The following INAVA variants were observed in gnomAD, a reference collection of about 807,000 sequenced individuals.
The protein encoded by INAVA is innate immunity activator protein.
Under a neutral mutation model 55.3 loss-of-function variants are expected in INAVA, and 32 were observed. The ratio of observed to expected loss-of-function variants is 0.58; its 90% CI spans 0.44 to 0.78. INAVA has a LOEUF of 0.78. Among genes scored for constraint, INAVA ranks in the 30% least tolerant of loss-of-function variants. The pLI is 0.00. For synonymous variants in INAVA, 294 were observed against 329.4 expected, an observed-to-expected ratio of 0.89 and a Z score of 1.16; for missense variants, 756 against 786.4, an observed-to-expected ratio of 0.96 and a Z score of 0.46.
In INAVA at chr1:200,909,287, C is replaced by G. The variant is rs868053818; in HGVS notation, c.849C>G (p.Ala283=). The G allele has an allele frequency of 6.2e-7, 1 of 1,611,048 alleles. No individual in the cohort carries two copies. The highest frequency in any genetic ancestry group is 1.1e-5 in the South Asian group (1 of 90,718). Residue 283 remains alanine (A), a synonymous_variant, in exon 8 of 10, where the codon GCC becomes GCG. Transcript: ENST00000413687. ...SASSLWLLEP[A]SYHVVPIRGV... Reference sequence around the variant, plus strand: ...CCAGCCTGTGGCTTCTGGAGCCTGCCTCCTACCACGTGGTTCCCATCCGTG... The same window carrying G: ...CCAGCCTGTGGCTTCTGGAGCCTGCGTCCTACCACGTGGTTCCCATCCGTG...
intron 5 of INAVA, among the ~76,000 whole-genome samples, chr1:200,904,181 C>T (rs113451121): frequency 0.05 from 7,549 of 152,020 alleles, 284 homozygotes; most frequent in East Asian, 0.16. Context: ...CTCCACCTAC[C>T]GGGTTTAAGC....
intron 1 of INAVA, among the ~76,000 whole-genome samples, chr1:200,895,684 T>A (rs1443767266): frequency 6.6e-6 from 1 of 152,136 alleles, no homozygotes; most frequent in Non-Finnish European, 1.5e-5. Flanking sequence ...GAGGGCGGCC[T>A]CGGCAGAGGC....
At chr1:200,913,325 C>A (rs1006175834) in intron 9 of INAVA, among the ~76,000 whole-genome samples, 1 of 152,158 alleles carries the variant, frequency 6.6e-6, no homozygotes, top group African/African-American at 2.4e-5. Context: ...GCCTGTCACA[C>A]CCCAAAAGAA....
At chr1:200,892,200 GC>G (rs1668252004), upstream of INAVA, among the ~76,000 whole-genome samples, 1 of 152,176 alleles carries the variant, frequency 6.6e-6, no homozygotes, top group Non-Finnish European at 1.5e-5. Context: ...TACCCCTCTT[GC>G]CTGGAGGGTC....
Position 200,912,022 on chromosome 1 carries a change from G to A in INAVA, c.1529G>A (p.Arg510His), listed in dbSNP as rs752457010. 32 of 1,541,028 alleles carry A rather than the reference G, an allele frequency of 2.1e-5. No individual in the cohort carries two copies. The South Asian group carries it at 3.7e-4, about 18-fold the overall frequency. Residue 510 changes from arginine (R) to histidine (H), a missense_variant, in exon 9 of 10, where the codon CGT becomes CAT. Arg to His is a conservative substitution (Grantham distance 29). Coordinates refer to ENST00000413687, the MANE Select transcript of INAVA (RefSeq NM_001142569.3). ...GAGGAGCTCAAGTGGTGGCACGAGC[G>A]TGCACGCCTCCGGAGCACCCGCCCC... ...VSEELKWWHE[R>H]ARLRSTRPHS...
upstream of INAVA, among the ~76,000 whole-genome samples, chr1:200,893,962 A>C (rs568146431): frequency 2.2e-3 from 339 of 150,832 alleles, 1 homozygote; most frequent in African/African-American, 7.7e-3. Flanking sequence ...AGTGGGGGGA[A>C]AGGGAGGTGG....
In INAVA at chr1:200,913,856, C is replaced by T. The variant is rs1653847843; in HGVS notation, c.*227C>T. 1 of 521,138 alleles carries T rather than the reference C, an allele frequency of 1.9e-6. No homozygotes were observed. The highest frequency in any genetic ancestry group is 3.5e-5 in the Admixed American group (1 of 28,750). 32.3% of individuals were successfully genotyped at this position (521,138 alleles called of 1,614,324 possible). On this transcript the variant is annotated 3_prime_UTR_variant, in exon 10 of 10. Transcript: ENST00000413687. The stretch of plus-strand genomic sequence containing the variant: ...CCTGTGATATGATTATGTTTTATCC[C>T]CCAGAGTTTGGCCTACTGGACTTAA...
chr1:200,895,924 T>C (rs1668340619), intron 1 of INAVA, among the ~76,000 whole-genome samples: 1 of 152,172 alleles, frequency 6.6e-6, no homozygotes, highest in South Asian at 2.1e-4. Context: ...CATCTGACGC[T>C]GTTCTCTTTG....
At chr1:200,901,861 G>A (rs1359068230) in intron 5 of INAVA, among the ~76,000 whole-genome samples, 1 of 152,194 alleles carries the variant, frequency 6.6e-6, no homozygotes, top group African/African-American at 2.4e-5. Flanking sequence ...GTGAGTTGTT[G>A]ATGCCCAGGT....
chr1:200,900,024 C>A, intron 3 of INAVA, 80 bp from the exon 4 acceptor site: 1 of 1,199,452 alleles, frequency 8.3e-7, no homozygotes, highest in Non-Finnish European at 1.2e-6. Flanking sequence ...CTATGGAAGG[C>A]AGGCACATGC....
In INAVA at chr1:200,894,917, G is replaced by C. The variant is rs1180649527; in HGVS notation, c.-265G>C. 7 of 985,600 alleles carry C rather than the reference G, an allele frequency of 7.1e-6. No individual in the cohort carries two copies. The highest frequency in any genetic ancestry group is 1.7e-5 in the African/African-American group (1 of 57,194). 61.1% of individuals were successfully genotyped at this position (985,600 alleles called of 1,614,324 possible). On this transcript the variant is annotated 5_prime_UTR_variant, in exon 1 of 10. Transcript: ENST00000413687. ...CCTGGCCCGGCAGCCTGGGAGGGAC[G>C]GCAAGGTAGGCAGGTGAGCCGAGAC... is the stretch of plus-strand genomic sequence containing the variant.
upstream of INAVA, among the ~76,000 whole-genome samples, chr1:200,894,639 G>A (rs375654552): frequency 2.5e-4 from 38 of 152,280 alleles, no homozygotes; most frequent in African/African-American, 9.1e-4. Flanking sequence ...CAGGACAGGA[G>A]GGCACGCAGG....
chr1:200,901,545 G>A (rs1558229850), intron 5 of INAVA, among the ~76,000 whole-genome samples: 1 of 152,222 alleles, frequency 6.6e-6, no homozygotes, highest in Non-Finnish European at 1.5e-5. Context: ...TCAGGGTAGT[G>A]TGAGGCTCCC....
intron 1 of INAVA, among the ~76,000 whole-genome samples, chr1:200,895,388 A>C (rs1468868851): frequency 6.6e-6 from 1 of 152,030 alleles, no homozygotes; most frequent in East Asian, 1.9e-4. Context: ...GCCCGGCCTG[A>C]GGGAAGGTGC....
rs1210120643 is a variant in INAVA, at chr1:200,898,418, G to C, written c.18G>C (p.Glu6Asp). The C allele has an allele frequency of 1.9e-6, 3 of 1,613,930 alleles. No individual in the cohort carries two copies. Among genetic ancestry groups the C allele is most frequent in the Non-Finnish European group, 2.5e-6 (3 of 1,180,016 alleles). The change falls in exon 2 of 10, where the codon GAG becomes GAC. Residue 6 changes from glutamate (E) to aspartate (D), a missense_variant. Glu to Asp is a conservative substitution (Grantham distance 45, BLOSUM62 2). Transcript: ENST00000413687. ...AATCCACCATGGAGAGTAAGGATGAGGTCAGCGACACCGACAGTGGCATCA... is the reference window on the plus strand; with the variant it reads ...AATCCACCATGGAGAGTAAGGATGACGTCAGCGACACCGACAGTGGCATCA... MESKD[E>D]VSDTDSGIIL...
chr1:200,904,171 C>T (rs950390655), intron 5 of INAVA, among the ~76,000 whole-genome samples: 19 of 152,024 alleles, frequency 1.2e-4, no homozygotes, highest in African/African-American at 4.6e-4. Context: ...TCACTGCAAC[C>T]TCCACCTACC....
In INAVA at chr1:200,911,689, C is replaced by G. The variant is rs116087951; in HGVS notation, c.1196C>G (p.Ser399Cys). ...SPDISFLQPL[S>C]PPKTHRHRGA... The stretch of plus-strand genomic sequence containing the variant: ...GACATCTCCTTTCTGCAGCCTCTCT[C>G]CCCTCCCAAGACCCATCGTCACCGC... The change falls in exon 9 of 10, where the codon TCC (serine) becomes TGC (cysteine). Residue 399 changes from serine (S) to cysteine (C), a missense_variant. Physicochemically the swap from Ser to Cys is moderately radical, Grantham distance 112. Around this residue, in one of 2 missense-constraint regions of INAVA, gnomAD observed 639 missense variants for 624.3 expected, o/e 1.02. Transcript: ENST00000413687. 5.9e-4 allele frequency: 955 copies of G among 1,614,012 alleles called. 9 individuals are homozygous for G. In the African/African-American group the frequency reaches 0.012, roughly 20 times the overall value.
chr1:200,907,755 T>A (rs1653555516), intron 5 of INAVA, 79 bp from the exon 6 acceptor site: 1 of 1,179,710 alleles, frequency 8.5e-7, no homozygotes, highest in Non-Finnish European at 1.3e-6. Flanking sequence ...AGGCCTGAGC[T>A]GCTCAGCACT....
At chr1:200,907,501 T>A (rs1160347523) in intron 5 of INAVA, among the ~76,000 whole-genome samples, 3 of 151,850 alleles carry the variant, frequency 2.0e-5, no homozygotes, top group Non-Finnish European at 4.4e-5. Flanking sequence ...ACAAAAAAAA[T>A]AAAATAATTT....
Sources: allele counts gnomAD v4.1 joint callset (sites outside exome capture counted in the v4.1 genomes callset), GRCh38; gene constraint gnomAD v4.1.1; regional missense constraint gnomAD v4.1.1; transcripts MANE v1.5; gene names NCBI Gene and HGNC (gene_info 2026-07-23, HGNC 2026-07-21).